The following RAD51B variants were observed in gnomAD, a reference collection of about 807,000 sequenced individuals.
RAD51B encodes DNA repair protein RAD51 homolog 2.
RAD51B carries 38 observed loss-of-function variants against 42.2 expected under a neutral mutation model. The observed-to-expected ratio is 0.90, with a 90% CI of 0.70 to 1.18. The LOEUF (loss-of-function observed/expected upper bound fraction) is 1.18, where lower values mean the gene tolerates loss of function less well. Among genes scored for constraint, RAD51B ranks in the 50% most tolerant of loss-of-function variants. The probability of loss-of-function intolerance (pLI) is 0.00; values close to 1 mark genes in which losing one functional copy is unlikely to be tolerated. For synonymous variants in RAD51B, 154 were observed against 145.2 expected (o/e 1.06, Z -0.43); for missense variants, 373 against 400.7 (o/e 0.93, Z 0.59).
chr14:68,483,641 C>G (rs945733541), intron 10 of RAD51B, among the ~76,000 whole-genome samples: 2 of 152,214 alleles, frequency 1.3e-5, no homozygotes, highest in African/African-American at 2.4e-5. Flanking sequence ...AGACATGATG[C>G]ACGTTCCTTC....
chr14:67,976,798 A>T (rs541995892), intron 7 of RAD51B, among the ~76,000 whole-genome samples: 2 of 152,180 alleles, frequency 1.3e-5, no homozygotes, highest in African/African-American at 4.8e-5. Flanking sequence ...ATGGGAGAAA[A>T]TTTTTGCAAC....
At chr14:67,931,716 T>A (rs933310951) in intron 7 of RAD51B, among the ~76,000 whole-genome samples, 3 of 152,102 alleles carry the variant, frequency 2.0e-5, no homozygotes, top group Admixed American at 6.5e-5. Flanking sequence ...TTGGCCAGGC[T>A]GGTCTCGACC....
intron 8 of RAD51B, among the ~76,000 whole-genome samples, chr14:68,364,220 C>A (rs1377835467): frequency 6.6e-6 from 1 of 152,218 alleles, no homozygotes; most frequent in Non-Finnish European, 1.5e-5. Context: ...CTCCCTCCCT[C>A]CCTCTGCGCC....
intron 7 of RAD51B, among the ~76,000 whole-genome samples, chr14:68,075,576 T>C (rs1322391406): frequency 1.3e-5 from 2 of 151,280 alleles, no homozygotes; most frequent in Non-Finnish European, 2.9e-5. Context: ...CAAGCACTCA[T>C]GTCTTTGTTC....
chr14:68,177,676 A>T (rs527787434), intron 7 of RAD51B, among the ~76,000 whole-genome samples: 4 of 151,366 alleles, frequency 2.6e-5, no homozygotes, highest in African/African-American at 4.8e-5. Context: ...TTTTTTTTTT[A>T]AATTAGCCTA....
chr14:68,127,741 G>A (rs2077799035), intron 7 of RAD51B, among the ~76,000 whole-genome samples: 1 of 151,820 alleles, frequency 6.6e-6, no homozygotes, highest in Non-Finnish European at 1.5e-5. Context: ...ATCATGATAG[G>A]AAGGATATGT....
chr14:68,396,959 A>T (rs539474736), intron 8 of RAD51B, among the ~76,000 whole-genome samples: 5 of 152,340 alleles, frequency 3.3e-5, no homozygotes, highest in Admixed American at 6.5e-5. Context: ...TGGGGTTTAA[A>T]TCCTGACTCT....
rs536665909 is a variant in RAD51B, at chr14:67,876,513, A to G, written c.453-9356A>G. Among the ~76,000 whole-genome samples, 5 of 152,364 alleles carry G rather than the reference A, an allele frequency of 3.3e-5. No individual in the cohort carries two copies. The South Asian group carries it at 1.0e-3, about 32-fold the overall frequency. ...TCCATGAGCAGTTAACTCTTTCCAG[A>G]ATTGGAATCTTTAAAGTGCATTGTA... On this transcript the variant is annotated intron_variant, in intron 5 of 10. Coordinates refer to ENST00000471583, the MANE Select transcript of RAD51B (RefSeq NM_133510.4).
chr14:68,473,452 A>G (rs1220120334), intron 10 of RAD51B, among the ~76,000 whole-genome samples: 1 of 152,178 alleles, frequency 6.6e-6, no homozygotes. Flanking sequence ...AAGGACTCGT[A>G]TCTGTTCAGT....
At chr14:68,492,398 C>T (rs761389769) in intron 10 of RAD51B, among the ~76,000 whole-genome samples, 3 of 152,244 alleles carry the variant, frequency 2.0e-5, no homozygotes, top group Admixed American at 6.5e-5. Context: ...TTCTTAAGCA[C>T]CTAGAGCAGT....
rs546206850 is a variant in RAD51B at position 68,202,709 on chromosome 14, A to G, written c.757-89175A>G. On this transcript the variant is annotated intron_variant, in intron 7 of 10. Coordinates refer to ENST00000471583, the MANE Select transcript of RAD51B (RefSeq NM_133510.4). Reference sequence around the variant, plus strand: ...GCGATTCTCCTGCCTCAGCCTCCTCAGTAGCTGGGATTACAGGTGTGTGCC... The same window carrying G: ...GCGATTCTCCTGCCTCAGCCTCCTCGGTAGCTGGGATTACAGGTGTGTGCC... Among the ~76,000 whole-genome samples the G allele has an allele frequency of 2.0e-5, 3 of 149,684 alleles. No homozygotes were observed. In the East Asian group the frequency reaches 6.0e-4, roughly 30 times the overall value.
At chr14:67,970,671 C>T (rs2074878965) in intron 7 of RAD51B, among the ~76,000 whole-genome samples, 1 of 152,052 alleles carries the variant, frequency 6.6e-6, no homozygotes, top group East Asian at 1.9e-4. Flanking sequence ...CTAAATTCCA[C>T]TTCTCACCTT....
intron 8 of RAD51B, among the ~76,000 whole-genome samples, chr14:68,362,624 C>A (rs138737970): frequency 6.6e-6 from 1 of 152,166 alleles, no homozygotes; most frequent in East Asian, 1.9e-4. Flanking sequence ...CCAAGGTGGG[C>A]GGATCACGAG....
chr14:68,156,455 TTCTCTCTCTCTCTCTCTCTCTCTCTC>T (rs10650896), intron 7 of RAD51B, among the ~76,000 whole-genome samples: 1 of 114,266 alleles, frequency 8.8e-6, no homozygotes, highest in African/African-American at 3.5e-5. Flanking sequence ...CTTAGAAAAT[TTCTCTCTCTCTCTCTCTCTCTCTCTC>T]TCTCTCTCTC....
chr14:67,968,374 G>A (rs1340960878), intron 7 of RAD51B, among the ~76,000 whole-genome samples: 1 of 152,164 alleles, frequency 6.6e-6, no homozygotes, highest in African/African-American at 2.4e-5. Flanking sequence ...CTCAAAAAAT[G>A]GGTTTTTCTT....
chr14:68,607,918 A>T (rs1891517050), intron 10 of RAD51B, among the ~76,000 whole-genome samples: 1 of 152,236 alleles, frequency 6.6e-6, no homozygotes. Context: ...AAGAAGAGCC[A>T]GGCCGAAAGG....
At chr14:68,659,720 C>T (rs541303130) in intron 11 of RAD51B, among the ~76,000 whole-genome samples, 1 of 152,314 alleles carries the variant, frequency 6.6e-6, no homozygotes, top group South Asian at 2.1e-4. Context: ...GCCTGGGAAG[C>T]GACACATGGA....
chr14:68,223,477 C>T (rs1386925938), intron 7 of RAD51B, among the ~76,000 whole-genome samples: 2 of 152,176 alleles, frequency 1.3e-5, no homozygotes, highest in Admixed American at 1.3e-4. Context: ...CCTGTCCAGA[C>T]CTTTAATTCT....
intron 7 of RAD51B, among the ~76,000 whole-genome samples, chr14:68,147,935 CTT>C (rs1566682101): frequency 6.6e-6 from 1 of 152,076 alleles, no homozygotes; most frequent in African/African-American, 2.4e-5. Context: ...ATTAACATGT[CTT>C]TTATCCTTAA....
Sources: allele counts gnomAD v4.1 joint callset (sites outside exome capture counted in the v4.1 genomes callset), GRCh38; gene constraint gnomAD v4.1.1; transcripts MANE v1.5; gene names NCBI Gene and HGNC (gene_info 2026-07-23, HGNC 2026-07-21).